The following CHODL variants were observed in gnomAD, a reference collection of about 807,000 sequenced individuals.
CHODL encodes chondrolectin.
In CHODL, 29 loss-of-function variants were observed where a neutral mutation model predicts 34.5. The ratio of observed to expected loss-of-function variants is 0.84; its 90% CI spans 0.63 to 1.15. The LOEUF (loss-of-function observed/expected upper bound fraction) is 1.15, where lower values mean the gene tolerates loss of function less well. Among genes scored for constraint, CHODL ranks in the 50% most tolerant of loss-of-function variants. The probability of loss-of-function intolerance (pLI) is 0.00; values close to 1 mark genes in which losing one functional copy is unlikely to be tolerated. For synonymous variants in CHODL, 125 were observed against 116.1 expected, an observed-to-expected ratio of 1.08 and a Z score of -0.49; for missense variants, 332 against 332.5, an observed-to-expected ratio of 1.00 and a Z score of 0.01.
intron 2 of CHODL, among the ~76,000 whole-genome samples, chr21:18,052,676 G>T (rs1461713491): frequency 1.3e-5 from 2 of 151,864 alleles, no homozygotes; most frequent in African/African-American, 2.4e-5. Context: ...GGCATCTTTT[G>T]AGTAGTACTG....
At chr21:18,167,060 CAG>C (rs1470404114) in intron 2 of CHODL, among the ~76,000 whole-genome samples, 2 of 151,972 alleles carry the variant, frequency 1.3e-5, no homozygotes, top group Non-Finnish European at 2.9e-5. Flanking sequence ...TTTTCTATTT[CAG>C]AGTCAGTTTG....
intron 2 of CHODL, among the ~76,000 whole-genome samples, chr21:18,031,397 A>T (rs562277708): frequency 1.3e-5 from 2 of 152,234 alleles, no homozygotes; most frequent in East Asian, 3.9e-4. Context: ...AATAAAAGAG[A>T]TGTCAGAAAT....
rs142019542 is a variant in CHODL at position 17,945,378 on chromosome 21, A to G, written c.-145+27978A>G. Among the ~76,000 whole-genome samples, 690 of 152,252 alleles carry G rather than the reference A, an allele frequency of 4.5e-3. 8 individuals carry two copies. Among genetic ancestry groups the G allele is most frequent in the African/African-American group, 0.016 (664 of 41,574 alleles). ...CTAAAATTTGGAAAATAATACCCAA[A>G]AAGTGAGAATATTGACAAGAAAATA... On this transcript the variant is annotated intron_variant, in intron 1 of 6. Transcript: ENST00000400127.
At chr21:18,131,446 C>T (rs148947829) in intron 2 of CHODL, among the ~76,000 whole-genome samples, 14 of 152,160 alleles carry the variant, frequency 9.2e-5, no homozygotes, top group Middle Eastern at 3.4e-3. Context: ...TTTCAATTTA[C>T]GAACATTTTG....
In CHODL at chr21:18,127,948, C is replaced by T. The variant is rs117062557; in HGVS notation, c.-45+99977C>T. Among the ~76,000 whole-genome samples the T allele has an allele frequency of 6.5e-3, 986 of 151,840 alleles. 8 individuals carry two copies. Among genetic ancestry groups the T allele is most frequent in the Admixed American group, 9.8e-3 (149 of 15,264 alleles). On this transcript the variant is annotated intron_variant, in intron 2 of 6. Transcript: ENST00000400127. ...ACAGAGAAAGTGGTGGAAAGGGTAA[C>T]TGAAGAAATAATGGCTGAAAACTTT...
At chr21:18,096,660 C>G (rs1427533334) in intron 2 of CHODL, among the ~76,000 whole-genome samples, 6 of 152,160 alleles carry the variant, frequency 3.9e-5, no homozygotes, top group Admixed American at 3.9e-4. Context: ...AACCCTGTTT[C>G]CTGTTAAGAT....
rs147430736 is a variant in CHODL, at chr21:18,228,060, T to C, written c.-44-28449T>C. On this transcript the variant is annotated intron_variant, in intron 2 of 6. Coordinates refer to the CHODL transcript ENST00000400127. Reference sequence around the variant, plus strand: ...GGAACCAACCTAGCCATTTGTGTGATACTGCCATTTGTCCACTGTTTTTAA... The same window carrying C: ...GGAACCAACCTAGCCATTTGTGTGACACTGCCATTTGTCCACTGTTTTTAA... 1.6e-3 allele frequency among the ~76,000 whole-genome samples: 242 copies of C among 152,308 alleles called. 1 individual carries two copies. Among genetic ancestry groups the C allele is most frequent in the African/African-American group, 5.4e-3 (225 of 41,578 alleles).
At chr21:18,106,784 C>T (rs1460149610) in intron 2 of CHODL, among the ~76,000 whole-genome samples, 1 of 152,164 alleles carries the variant, frequency 6.6e-6, no homozygotes, top group Non-Finnish European at 1.5e-5. Flanking sequence ...CGTGAGCCAC[C>T]ACACCCAGCC....
intron 1 of CHODL, among the ~76,000 whole-genome samples, chr21:17,918,623 G>C (rs533520555): frequency 9.9e-4 from 151 of 152,246 alleles, no homozygotes; most frequent in African/African-American, 3.4e-3. Flanking sequence ...GATGAGATAT[G>C]GGTGGGGACA....
upstream of CHODL, among the ~76,000 whole-genome samples, chr21:18,240,695 A>G (rs939975314): frequency 1.3e-5 from 2 of 152,212 alleles, no homozygotes; most frequent in African/African-American, 4.8e-5. Context: ...ATTACCAGCA[A>G]TAGAAACAGA....
At chr21:18,086,726 G>A (rs1470886803) in intron 2 of CHODL, among the ~76,000 whole-genome samples, 2 of 152,182 alleles carry the variant, frequency 1.3e-5, no homozygotes, top group African/African-American at 4.8e-5. Context: ...TTTGGCCCCA[G>A]TGGTGGAAGC....
intron 1 of CHODL, among the ~76,000 whole-genome samples, chr21:17,946,864 G>A (rs1341595969): frequency 6.6e-6 from 1 of 152,068 alleles, no homozygotes; most frequent in Admixed American, 6.5e-5. Context: ...GCCTTTCAAT[G>A]TCTTTTAATT....
At chr21:18,226,909 G>T (rs2073936273) in intron 2 of CHODL, among the ~76,000 whole-genome samples, 1 of 152,182 alleles carries the variant, frequency 6.6e-6, no homozygotes, top group East Asian at 1.9e-4. Context: ...GCATCTTTCT[G>T]CCAAACAAAT....
At chr21:17,935,267 C>T (rs1343022851) in intron 1 of CHODL, among the ~76,000 whole-genome samples, 2 of 152,098 alleles carry the variant, frequency 1.3e-5, no homozygotes, top group Admixed American at 6.6e-5. Flanking sequence ...ATGATATACA[C>T]AGATTATCAT....
chr21:17,958,441 A>G (rs1026695576), intron 1 of CHODL, among the ~76,000 whole-genome samples: 4 of 152,150 alleles, frequency 2.6e-5, no homozygotes, highest in African/African-American at 9.7e-5. Flanking sequence ...CACTACTGTT[A>G]ATATATCCTG....
intron 5 of CHODL, among the ~76,000 whole-genome samples, chr21:18,263,901 C>CTT (rs34968795): frequency 0.065 from 9,150 of 141,298 alleles, 302 homozygotes; most frequent in Non-Finnish European, 0.077. Flanking sequence ...CATTAATAAC[C>CTT]TTTTTTTTTT....
At chr21:17,958,185 T>G (rs1215967692) in intron 1 of CHODL, among the ~76,000 whole-genome samples, 1 of 152,160 alleles carries the variant, frequency 6.6e-6, no homozygotes, top group East Asian at 1.9e-4. Flanking sequence ...GTAACATTTG[T>G]CATTAAATTT....
rs140551382 is a variant in CHODL, at chr21:17,994,545, G to GGA, written c.-144-33326_-144-33325dup. ...CATGCATGTGTGCCCACAGGCCTGTGGATGGCCCACACGTGTCCTGATGGT... is the reference window on the plus strand; with the variant it reads ...CATGCATGTGTGCCCACAGGCCTGTGGAGATGGCCCACACGTGTCCTGATGGT... On this transcript the variant is annotated intron_variant, in intron 1 of 6. Transcript: ENST00000400127. 7.5e-3 allele frequency among the ~76,000 whole-genome samples: 1,137 copies of GGA among 152,288 alleles called. 13 individuals are homozygous for GGA. Among genetic ancestry groups the GGA allele is most frequent in the African/African-American group, 0.026 (1,093 of 41,552 alleles).
Position 18,245,204 on chromosome 21 carries a change from G to A in CHODL, c.-20G>A. The A allele has an allele frequency of 6.6e-7, 1 of 1,509,884 alleles. No individual in the cohort carries two copies. The highest frequency in any genetic ancestry group is 1.4e-5 in the African/African-American group (1 of 69,912). 93.5% of individuals were successfully genotyped at this position (1,509,884 alleles called of 1,614,324 possible). ...GCCGCCCTCGCTCCACGCAACACCTGCTGCTGCCACCGCGCCGCGATGAGC... is the reference window on the plus strand; with the variant it reads ...GCCGCCCTCGCTCCACGCAACACCTACTGCTGCCACCGCGCCGCGATGAGC... On this transcript the variant is annotated 5_prime_UTR_variant, in exon 1 of 6. Transcript: ENST00000299295.
Sources: allele counts gnomAD v4.1 joint callset (sites outside exome capture counted in the v4.1 genomes callset), GRCh38; gene constraint gnomAD v4.1.1; transcripts MANE v1.5; gene names NCBI Gene and HGNC (gene_info 2026-07-23, HGNC 2026-07-21).